FRAS1: variants seen among roughly 807,000 people sequenced by gnomAD.
FRAS1 encodes the protein extracellular matrix organizing protein FRAS1.
FRAS1 carries 290 observed loss-of-function variants against 435.2 expected under a neutral mutation model. The observed-to-expected ratio is 0.67, with a 90% CI of 0.61 to 0.73. The LOEUF (loss-of-function observed/expected upper bound fraction) is 0.73, where lower values mean the gene tolerates loss of function less well. FRAS1 is among the 30% of genes least tolerant of loss of function. The pLI, the probability that FRAS1 is intolerant of heterozygous loss-of-function variation, is 0.00. For missense variants in FRAS1, 4,860 were observed against 5,001.5 expected, an observed-to-expected ratio of 0.97 and a Z score of 0.85; for synonymous variants, 1,800 against 1,851.0, an observed-to-expected ratio of 0.97 and a Z score of 0.71.
At chr4:78,177,811 C>T (rs2110046121) in intron 2 of FRAS1, among the ~76,000 whole-genome samples, 1 of 152,264 alleles carries the variant, frequency 6.6e-6, no homozygotes, top group African/African-American at 2.4e-5. Flanking sequence ...GGATTGAACA[C>T]TGTGTATTAC....
At chr4:78,510,035 G>T (rs1040175416) in intron 63 of FRAS1, among the ~76,000 whole-genome samples, 2 of 152,130 alleles carry the variant, frequency 1.3e-5, no homozygotes, top group Non-Finnish European at 2.9e-5. Flanking sequence ...ACTCTCTTTG[G>T]CACAGCTTAT....
intron 32 of FRAS1, among the ~76,000 whole-genome samples, chr4:78,416,909 G>A (rs1002027509): frequency 2.9e-4 from 44 of 152,074 alleles, no homozygotes; most frequent in African/African-American, 9.9e-4. Flanking sequence ...TGGGGTGGGC[G>A]AAACAGTTGG....
intron 2 of FRAS1, among the ~76,000 whole-genome samples, chr4:78,080,825 T>G (rs116278908): frequency 0.012 from 1,863 of 152,310 alleles, 39 homozygotes; most frequent in African/African-American, 0.042. Context: ...GTTTCTCTTT[T>G]AAATCCTTCA....
chr4:78,091,345 G>A (rs552103142), intron 2 of FRAS1, among the ~76,000 whole-genome samples: 38 of 151,868 alleles, frequency 2.5e-4, no homozygotes, highest in African/African-American at 5.1e-4. Context: ...CTCCTGTCCC[G>A]TGCCCCTCAA....
intron 20 of FRAS1, 127 bp from the exon 21 acceptor site, chr4:78,363,386 T>G: frequency 1.1e-6 from 1 of 919,178 alleles, no homozygotes; most frequent in Non-Finnish European, 1.6e-6. Context: ...ATACACTGCC[T>G]TTGGGCTACT....
At chr4:78,356,773 TG>T (rs35934069) in intron 20 of FRAS1, among the ~76,000 whole-genome samples, 10,056 of 152,090 alleles carry the variant, frequency 0.066, 618 homozygotes, top group African/African-American at 0.17. Context: ...TTTGGTTTGA[TG>T]TCTTCTCCTA....
At chr4:78,256,482 C>A (rs1441426008) in intron 6 of FRAS1, among the ~76,000 whole-genome samples, 1 of 152,038 alleles carries the variant, frequency 6.6e-6, no homozygotes, top group Non-Finnish European at 1.5e-5. Context: ...AAGCAGTTTG[C>A]CACCATAACA....
chr4:78,517,554 C>T (rs11725388), intron 66 of FRAS1, among the ~76,000 whole-genome samples: 21,222 of 152,102 alleles, frequency 0.14, 1,780 homozygotes, highest in Non-Finnish European at 0.2. Context: ...AAATTACTGA[C>T]GTATGATAGG....
intron 2 of FRAS1, among the ~76,000 whole-genome samples, chr4:78,183,441 A>G (rs1289147934): frequency 1.3e-5 from 2 of 152,194 alleles, no homozygotes; most frequent in Non-Finnish European, 2.9e-5. Context: ...CACACCACCT[A>G]TGCAGATTGG....
At chr4:78,262,139 A>C (rs1379083596) in intron 6 of FRAS1, among the ~76,000 whole-genome samples, 2 of 152,098 alleles carry the variant, frequency 1.3e-5, no homozygotes, top group Non-Finnish European at 2.9e-5. Context: ...TTCTTTCTCC[A>C]CTGCCCAGCC....
intron 40 of FRAS1, 111 bp from the exon 41 acceptor site, chr4:78,441,051 A>T: frequency 9.9e-7 from 1 of 1,012,136 alleles, no homozygotes. Context: ...CTCCTCAAAG[A>T]AGCAGAATTG....
chr4:78,268,522 G>A (rs945999554), intron 9 of FRAS1, among the ~76,000 whole-genome samples: 6 of 152,270 alleles, frequency 3.9e-5, no homozygotes, highest in African/African-American at 1.2e-4. Flanking sequence ...TCTCTGTCGG[G>A]CTGAGGCTGG....
intron 18 of FRAS1, among the ~76,000 whole-genome samples, chr4:78,328,455 T>G (rs1729804010): frequency 6.6e-6 from 1 of 152,242 alleles, no homozygotes; most frequent in African/African-American, 2.4e-5. Flanking sequence ...CATATTATTC[T>G]GCAAAGCTTT....
intron 71 of FRAS1, among the ~76,000 whole-genome samples, chr4:78,535,898 C>T (rs1222638160): frequency 6.6e-6 from 1 of 152,160 alleles, no homozygotes; most frequent in Non-Finnish European, 1.5e-5. Context: ...TTCTACACAC[C>T]CTCCACTCTT....
At chr4:78,134,491 A>C (rs1177575983) in intron 2 of FRAS1, among the ~76,000 whole-genome samples, 1 of 152,132 alleles carries the variant, frequency 6.6e-6, no homozygotes. Flanking sequence ...AAAGTCATTG[A>C]TCCATTATCT....
intron 20 of FRAS1, among the ~76,000 whole-genome samples, chr4:78,355,162 A>G (rs1054042710): frequency 1.3e-5 from 2 of 152,036 alleles, no homozygotes; most frequent in African/African-American, 4.8e-5. Flanking sequence ...CAATAAATGC[A>G]TTTATTTCAG....
At position 78,361,791 on chromosome 4, in the gene FRAS1, G is replaced by A. The variant is rs138651572; in HGVS notation, c.2423-1722G>A. Among the ~76,000 whole-genome samples, 778 of 152,308 alleles carry A rather than the reference G, an allele frequency of 5.1e-3. 10 individuals carry two copies. The highest frequency in any genetic ancestry group is 6.8e-3 in the Middle Eastern group (2 of 294). ...TTTTGGGGCCATGGGTGGTGCATTA[G>A]CGAGTACAAACAAATGCTTTGAATC... is the stretch of plus-strand genomic sequence containing the variant. On this transcript the variant is annotated intron_variant, in intron 20 of 73. Coordinates refer to ENST00000512123, the MANE Select transcript of FRAS1 (RefSeq NM_025074.7).
rs1213356575 is a variant in FRAS1 at position 78,466,418 on chromosome 4, G to C, written c.7240G>C (p.Glu2414Gln). ...TGGGACAAACCCCTTCTTTATCATTGAGGAAGGGGGAAAAGAGGTGAGGGG... is the reference window on the plus strand; with the variant it reads ...TGGGACAAACCCCTTCTTTATCATTCAGGAAGGGGGAAAAGAGGTGAGGGG... ...SDGTNPFFII[E>Q]EGGKEIMTAA... The change falls in exon 50 of 74, where the codon GAG (glutamate) becomes CAG (glutamine). Residue 2414 changes from glutamate (E) to glutamine (Q), a missense_variant. Coordinates refer to ENST00000512123, the MANE Select transcript of FRAS1 (RefSeq NM_025074.7). The C allele has an allele frequency of 6.2e-7, 1 of 1,613,206 alleles. No individual in the cohort carries two copies. Among genetic ancestry groups the C allele is most frequent in the South Asian group, 1.1e-5 (1 of 90,948 alleles).
At chr4:78,481,753 GA>G in intron 56 of FRAS1, 50 bp from the exon 57 acceptor site, 2 of 1,605,538 alleles carry the variant, frequency 1.2e-6, no homozygotes, top group African/African-American at 1.3e-5. Flanking sequence ...AAACCTCGCT[GA>G]TTTTCTGGCT....
Sources: gnomAD v4.1 joint callset for allele counts (sites outside exome capture counted in the v4.1 genomes callset) on GRCh38, gnomAD v4.1.1 for gene constraint, MANE v1.5 for transcripts, NCBI Gene and HGNC (gene_info 2026-07-23, HGNC 2026-07-21) for gene names.